The following NETO1 variants were observed in gnomAD, a reference collection of about 807,000 sequenced individuals.
NETO1 encodes neuropilin and tolloid like 1.
Under a neutral mutation model 61.3 loss-of-function variants are expected in NETO1, and 26 were observed. The observed-to-expected ratio is 0.42, with a 90% CI of 0.31 to 0.59. The LOEUF (loss-of-function observed/expected upper bound fraction) is 0.59. Among genes scored for constraint, NETO1 ranks in the 20% least tolerant of loss-of-function variants. The probability of loss-of-function intolerance (pLI) is 0.12; values close to 1 mark genes in which losing one functional copy is unlikely to be tolerated. For missense variants in NETO1, 531 were observed against 662.8 expected, an observed-to-expected ratio of 0.80 and a Z score of 2.18; for synonymous variants, 225 against 225.8, an observed-to-expected ratio of 1.00 and a Z score of 0.03.
chr18:72,829,540 AATTTAAATGTAT>A (rs1175418951), intron 4 of NETO1, among the ~76,000 whole-genome samples: 3 of 152,178 alleles, frequency 2.0e-5, no homozygotes, highest in African/African-American at 7.2e-5. Flanking sequence ...AACACTATGA[AATTTAAATGTAT>A]ATTTAAATGT....
intron 8 of NETO1, among the ~76,000 whole-genome samples, chr18:72,754,986 C>T (rs1209026892): frequency 3.9e-5 from 6 of 152,142 alleles, no homozygotes; most frequent in Non-Finnish European, 8.8e-5. Context: ...TGCAATTTTT[C>T]CCCTATCACA....
intron 7 of NETO1, among the ~76,000 whole-genome samples, chr18:72,764,589 C>A (rs139823058): frequency 6.6e-6 from 1 of 152,020 alleles, no homozygotes; most frequent in African/African-American, 2.4e-5. Flanking sequence ...CCCCCACTAA[C>A]GAGGGGGCTT....
chr18:72,866,350 T>C lies in NETO1; in HGVS notation c.28+914A>G, dbSNP rs187846420. Among the ~76,000 whole-genome samples, 19 of 152,318 alleles carry C rather than the reference T, an allele frequency of 1.2e-4. No homozygotes were observed. The East Asian group carries it at 3.5e-3, about 28-fold the overall frequency. ...ATTTAAAATATTGTCAATTGTGTGTTACTTTATGCTCTAGCCAGTTCATTT... is the reference window on the plus strand; with the variant it reads ...ATTTAAAATATTGTCAATTGTGTGTCACTTTATGCTCTAGCCAGTTCATTT... On this transcript the variant is annotated intron_variant, in intron 1 of 10. Coordinates refer to ENST00000327305, the MANE Select transcript of NETO1 (RefSeq NM_138966.5).
At chr18:72,768,354 A>C (rs2071234664) in intron 7 of NETO1, among the ~76,000 whole-genome samples, 1 of 152,200 alleles carries the variant, frequency 6.6e-6, no homozygotes, top group African/African-American at 2.4e-5. Context: ...ATGTATCTTT[A>C]TCAGTTGACA....
intron 1 of NETO1, chr18:72,866,710 C>G: frequency 1.0e-6 from 1 of 986,762 alleles, no homozygotes. Flanking sequence ...TCCTCTCATT[C>G]CTTCCCACCT....
intron 7 of NETO1, among the ~76,000 whole-genome samples, chr18:72,771,120 C>G (rs2071339181): frequency 6.6e-6 from 1 of 152,064 alleles, no homozygotes; most frequent in Admixed American, 6.6e-5. Flanking sequence ...GACAATTTTA[C>G]TTAGTTATTA....
At chr18:72,756,172 A>C (rs778611251) in intron 7 of NETO1, 25 bp from the exon 8 acceptor site, 23 of 1,185,368 alleles carry the variant, frequency 1.9e-5, no homozygotes, top group Non-Finnish European at 2.5e-5. Context: ...AACAAGACAA[A>C]GGAGGAAAGT....
At chr18:72,841,653 G>A (rs541211322) in intron 4 of NETO1, among the ~76,000 whole-genome samples, 9 of 132,832 alleles carry the variant, frequency 6.8e-5, no homozygotes, top group Admixed American at 3.6e-4. Flanking sequence ...AGAATTGCTT[G>A]AGCCCTGAAG....
intron 1 of NETO1, chr18:72,867,062 C>A (rs2074759942): frequency 4.3e-6 from 2 of 466,966 alleles, no homozygotes; most frequent in Non-Finnish European, 7.4e-6. Context: ...GTTTTGGGAT[C>A]CGGCGACGGC....
At chr18:72,822,935 A>G (rs1313002199) in intron 4 of NETO1, among the ~76,000 whole-genome samples, 1 of 152,176 alleles carries the variant, frequency 6.6e-6, no homozygotes. Flanking sequence ...CAGTGTGAAT[A>G]TTTTACCTAC....
intron 7 of NETO1, among the ~76,000 whole-genome samples, chr18:72,773,398 C>A (rs1342919854): frequency 6.6e-6 from 1 of 152,076 alleles, no homozygotes; most frequent in East Asian, 1.9e-4. Context: ...AGTTAATAAC[C>A]AAATGATATC....
chr18:72,852,107 G>A (rs1257970822), intron 4 of NETO1, among the ~76,000 whole-genome samples: 1 of 152,146 alleles, frequency 6.6e-6, no homozygotes, highest in African/African-American at 2.4e-5. Context: ...AACATAGTCC[G>A]GCGATTAGCC....
chr18:72,748,134 C>T lies in NETO1; in HGVS notation c.*45G>A, dbSNP rs1013681571. 1.0e-6 allele frequency: 1 copy of T among 979,816 alleles called. No individual in the cohort carries two copies. The highest frequency in any genetic ancestry group is 1.7e-5 in the African/African-American group (1 of 57,242). 60.7% of individuals were successfully genotyped at this position (979,816 alleles called of 1,614,324 possible). On this transcript the variant is annotated 3_prime_UTR_variant, in exon 11 of 11. Transcript: ENST00000327305. ...AATTCACTATAGAATTTTCTTTTCA[C>T]AGTCCCCATGTTTGTATAAATAGTT... is the stretch of plus-strand genomic sequence containing the variant.
At chr18:72,796,779 A>G (rs1162839008) in intron 4 of NETO1, among the ~76,000 whole-genome samples, 3 of 152,196 alleles carry the variant, frequency 2.0e-5, no homozygotes, top group Non-Finnish European at 4.4e-5. Context: ...TAGATTTTAA[A>G]AAATCTTTTT....
At position 72,811,107 on chromosome 18, in the gene NETO1, C is replaced by T. The variant is rs528096208; in HGVS notation, c.470-16703G>A. Among the ~76,000 whole-genome samples the T allele has an allele frequency of 3.2e-4, 49 of 152,286 alleles. No homozygotes were observed. The South Asian group carries it at 5.8e-3, about 18-fold the overall frequency. On this transcript the variant is annotated intron_variant, in intron 4 of 10. Transcript: ENST00000327305. ...ATATCCGCCATGGTGTTCTTTGTCA[C>T]GGCCTTCCTCACCCTCAGGCTTCAC...
intron 8 of NETO1, among the ~76,000 whole-genome samples, chr18:72,751,724 C>T (rs2145084652): frequency 6.6e-6 from 1 of 152,324 alleles, no homozygotes; most frequent in Non-Finnish European, 1.5e-5. Context: ...AGCAACCTCA[C>T]CCAAGTGCTC....
intron 1 of NETO1, chr18:72,865,522 T>C: frequency 6.3e-7 from 1 of 1,583,668 alleles, no homozygotes; most frequent in Non-Finnish European, 8.6e-7. Flanking sequence ...AATTTACTCA[T>C]GTCACACACA....
At chr18:72,811,616 C>A (rs1053967023) in intron 4 of NETO1, among the ~76,000 whole-genome samples, 1 of 152,086 alleles carries the variant, frequency 6.6e-6, no homozygotes, top group African/African-American at 2.4e-5. Context: ...CCAGCCTAAG[C>A]AACACAGTGA....
At position 72,864,950 on chromosome 18, in the gene NETO1, TAAAA is replaced by T. The variant is rs71924600; in HGVS notation, c.83-9_83-6del. The T allele has an allele frequency of 2.1e-6, 3 of 1,456,960 alleles. No individual in the cohort carries two copies. Among genetic ancestry groups the T allele is most frequent in the East Asian group, 2.4e-5 (1 of 41,552 alleles). The allele number at this position is 1,456,960 out of a possible 1,614,324, so 90.3% of individuals were successfully genotyped here. The stretch of plus-strand genomic sequence containing the variant: ...TTTCTGAGGTGGTTTGCTTTTCTGT[TAAAA>T]AAAAAAAAAAGTTTTAAAAAGAGCC... On this transcript the variant is annotated splice_polypyrimidine_tract_variant and splice_region_variant and intron_variant, in intron 2 of 10. Coordinates refer to ENST00000327305, the MANE Select transcript of NETO1 (RefSeq NM_138966.5).
Sources: gnomAD v4.1 joint callset for allele counts (sites outside exome capture counted in the v4.1 genomes callset) on GRCh38, gnomAD v4.1.1 for gene constraint, MANE v1.5 for transcripts, NCBI Gene and HGNC (gene_info 2026-07-23, HGNC 2026-07-21) for gene names.